Variants in VAC14 observed in about 807,000 individuals in gnomAD.
The protein encoded by VAC14 is VAC14 component of PIKFYVE complex.
A neutral mutation model predicts 85.3 loss-of-function variants in VAC14; 47 were observed. The observed-to-expected ratio is 0.55, with a 90% confidence interval of 0.44 to 0.70. VAC14 has a LOEUF of 0.70. Among genes scored for constraint, VAC14 ranks in the 30% least tolerant of loss-of-function variants. VAC14 has a pLI of 0.00. For missense variants in VAC14, 861 were observed against 1,004.3 expected (o/e 0.86, Z 1.93); for synonymous variants, 447 against 430.5 (o/e 1.04, Z -0.47).
chr16:70,721,656 G>A (rs12923669), intron 14 of VAC14, among the ~76,000 whole-genome samples: 1 of 152,072 alleles, frequency 6.6e-6, no homozygotes, highest in African/African-American at 2.4e-5. Context: ...ATCAGGAGAC[G>A]TGGCTCTCGT....
chr16:70,688,796 C>T, intron 18 of VAC14: 9 of 985,612 alleles, frequency 9.1e-6, no homozygotes, highest in Non-Finnish European at 1.1e-5. Context: ...CCTGTCAAGC[C>T]CAGTGCTTAG....
chr16:70,724,715 C>T (rs963399025), intron 14 of VAC14, among the ~76,000 whole-genome samples: 10 of 152,304 alleles, frequency 6.6e-5, no homozygotes, highest in Admixed American at 2.0e-4. Context: ...GGGCGGGGAA[C>T]GGCTGTGGAA....
chr16:70,761,075 G>T, intron 12 of VAC14: 1 of 408,044 alleles, frequency 2.5e-6, no homozygotes, highest in Non-Finnish European at 4.9e-6. Flanking sequence ...CAGACCATCT[G>T]TTTTGGATTT....
chr16:70,699,292 C>T (rs1410680446), intron 14 of VAC14: 2 of 188,036 alleles, frequency 1.1e-5, no homozygotes, highest in African/African-American at 4.6e-5. Context: ...CCTGGAAGCC[C>T]CCGAGGTCAG....
intron 14 of VAC14, among the ~76,000 whole-genome samples, chr16:70,718,212 G>A (rs773459837): frequency 1.4e-4 from 21 of 152,184 alleles, no homozygotes; most frequent in African/African-American, 5.1e-4. Flanking sequence ...CATATGCTTC[G>A]TCACTCAGTC....
intron 1 of VAC14, among the ~76,000 whole-genome samples, chr16:70,791,080 T>A (rs4985367): frequency 2.0e-5 from 3 of 152,020 alleles, no homozygotes; most frequent in Non-Finnish European, 1.5e-5. Flanking sequence ...CTCTGACCTC[T>A]GCAGCCTTCC....
At chr16:70,692,722 G>T in intron 18 of VAC14, 99 bp downstream of exon 18, 6 of 1,476,324 alleles carry the variant, frequency 4.1e-6, no homozygotes, top group South Asian at 3.7e-5. Flanking sequence ...TGAAGTGAGG[G>T]AGGCCTCAGC....
rs917195569 is a variant in VAC14 at position 70,691,741 on chromosome 16, C to CT, written c.2186+1079dup. The CT allele has an allele frequency of 4.1e-6, 4 of 985,438 alleles. No individual in the cohort carries two copies. The African/African-American group carries it at 7.0e-5, about 17-fold the overall frequency. 61.0% of individuals were successfully genotyped at this position (985,438 alleles called of 1,614,324 possible). A position where few individuals can be genotyped will look rare whatever the true frequency, so the allele number is the denominator to read the frequency against. ...TAGGGGTTCAGCCTCTCCAGCTGGC[C>CT]TGGGGCAGAGAGCCTATCAGGTGCC... On this transcript the variant is annotated intron_variant, in intron 18 of 18. Transcript: ENST00000261776.
intron 3 of VAC14, 22 bp downstream of exon 3, chr16:70,785,680 G>A (rs1426716801): frequency 6.9e-7 from 1 of 1,448,444 alleles, no homozygotes; most frequent in Non-Finnish European, 9.2e-7. Flanking sequence ...AGCTCAGTGA[G>A]GAGGAGGAGG....
chr16:70,712,072 C>T (rs575835916), intron 14 of VAC14, among the ~76,000 whole-genome samples: 1 of 152,052 alleles, frequency 6.6e-6, no homozygotes. Context: ...CTATTTGTAC[C>T]CTCCCCCACC....
intron 8 of VAC14, among the ~76,000 whole-genome samples, chr16:70,781,624 T>C (rs1486835531): frequency 1.3e-5 from 2 of 152,082 alleles, no homozygotes; most frequent in African/African-American, 2.4e-5. Flanking sequence ...GGTTGGAACT[T>C]TGGGGCCCCA....
intron 12 of VAC14, among the ~76,000 whole-genome samples, chr16:70,750,470 G>C (rs1274841993): frequency 6.6e-6 from 1 of 152,190 alleles, no homozygotes; most frequent in African/African-American, 2.4e-5. Context: ...AGGCCCATCA[G>C]CTGGCCCCTG....
chr16:70,752,748 AG>A (rs1271702888), intron 12 of VAC14, among the ~76,000 whole-genome samples: 5 of 152,182 alleles, frequency 3.3e-5, no homozygotes, highest in African/African-American at 1.2e-4. Context: ...CTGCTGTGGG[AG>A]GGCCCAATGC....
At position 70,798,858 on chromosome 16, in the gene VAC14, G is replaced by C. The variant is rs958147380; in HGVS notation, c.104+1939C>G. Among the ~76,000 whole-genome samples the C allele has an allele frequency of 8.5e-5, 13 of 152,224 alleles. No homozygotes were observed. The South Asian group carries it at 1.2e-3, about 15-fold the overall frequency. On this transcript the variant is annotated intron_variant, in intron 1 of 18. Coordinates refer to ENST00000261776, the MANE Select transcript of VAC14 (RefSeq NM_018052.5). ...AAAATGTACGGTCATTCATTTATTC[G>C]GACACCAGCTGTCAAGTGCTGCCAG...
At chr16:70,728,061 C>T (rs564430629) in intron 14 of VAC14, among the ~76,000 whole-genome samples, 1 of 152,366 alleles carries the variant, frequency 6.6e-6, no homozygotes, top group South Asian at 2.1e-4. Flanking sequence ...CCTTCTGTCC[C>T]AGCCCACTGG....
chr16:70,711,608 G>A (rs2054036098), intron 14 of VAC14, among the ~76,000 whole-genome samples: 1 of 152,092 alleles, frequency 6.6e-6, no homozygotes, highest in South Asian at 2.1e-4. Context: ...CCTCCTGACA[G>A]CCATGTGGCC....
chr16:70,698,067 C>T (rs755642776), intron 15 of VAC14, among the ~76,000 whole-genome samples: 1 of 152,188 alleles, frequency 6.6e-6, no homozygotes, highest in Non-Finnish European at 1.5e-5. Flanking sequence ...AGTGTCCTTT[C>T]TGCTCTCTCT....
rs531252257 is a variant in VAC14 at position 70,762,462 on chromosome 16, A to T, written c.1371+78T>A. The T allele has an allele frequency of 7.0e-7, 1 of 1,420,530 alleles. No homozygotes were observed. The highest frequency in any genetic ancestry group is 1.8e-5 in the Admixed American group (1 of 56,382). The allele number at this position is 1,420,530 out of a possible 1,614,324, so 88.0% of individuals were successfully genotyped here. ...TCTAGGAAGGATGCACTGTACCAAA[A>T]TAAGCATATCTCAGTCACTAACAAG... On this transcript the variant is annotated intron_variant, in intron 12 of 18. Coordinates refer to ENST00000261776, the MANE Select transcript of VAC14 (RefSeq NM_018052.5). The surrounding 1 kb of genome is among the most constrained non-coding windows in gnomAD (Gnocchi z 4.1).
At chr16:70,734,269 G>T (rs2054682332) in intron 13 of VAC14, among the ~76,000 whole-genome samples, 2 of 152,102 alleles carry the variant, frequency 1.3e-5, no homozygotes, top group African/African-American at 4.8e-5. Flanking sequence ...CTCTCAAGTA[G>T]CTAGGACTAC....
Sources: gnomAD v4.1 joint callset for allele counts (sites outside exome capture counted in the v4.1 genomes callset) on GRCh38, gnomAD v4.1.1 for gene constraint, Gnocchi (gnomAD v3.1) non-coding constraint, MANE v1.5 for transcripts, NCBI Gene and HGNC (gene_info 2026-07-23, HGNC 2026-07-21) for gene names.